The following ZNF366 variants were observed in gnomAD, a reference collection of about 807,000 sequenced individuals.
ZNF366 encodes dendritic cell-specific transcript protein.
In ZNF366, 20 loss-of-function variants were observed where a neutral mutation model predicts 47.2. That is an observed-to-expected ratio of 0.42 (90% CI 0.30 to 0.62). The LOEUF is 0.62. Among genes scored for constraint, ZNF366 ranks in the 20% least tolerant of loss-of-function variants. ZNF366 has a pLI of 0.16. For missense variants in ZNF366, 987 were observed against 976.3 expected (o/e 1.01, Z -0.15); for synonymous variants, 421 against 395.1 (o/e 1.07, Z -0.78).
intron 3 of ZNF366, among the ~76,000 whole-genome samples, chr5:72,449,112 T>C (rs577987961): frequency 6.6e-6 from 1 of 152,342 alleles, no homozygotes; most frequent in East Asian, 1.9e-4. Flanking sequence ...GTAAGATAGA[T>C]GACTCTTTTA....
Position 72,460,949 on chromosome 5 carries a change from C to A in ZNF366, c.548G>T (p.Gly183Val), listed in dbSNP as rs745545119. Residue 183 changes from glycine (G) to valine (V), a missense_variant, in exon 2 of 5, where the codon GGC (glycine) becomes GTC (valine). By Grantham distance (109) the Gly-to-Val change is moderately radical. Coordinates refer to ENST00000318442, the MANE Select transcript of ZNF366 (RefSeq NM_152625.3). The part of the protein sequence containing the change: ...PYPYYPKVHP[G>V]LMFPFFVPSS... ...GGGCACGAAGAAGGGGAACATGAGG[C>A]CCGGGTGGACTTTGGGGTAGTAGGG... The A allele has an allele frequency of 1.3e-5, 21 of 1,612,046 alleles. No individual in the cohort carries two copies. The highest frequency in any genetic ancestry group is 3.3e-5 in the Admixed American group (2 of 59,944).
At chr5:72,499,204 T>G (rs1218942035) in intron 1 of ZNF366, among the ~76,000 whole-genome samples, 1 of 152,192 alleles carries the variant, frequency 6.6e-6, no homozygotes, top group Non-Finnish European at 1.5e-5. Flanking sequence ...CCCTGGAGAC[T>G]TCTCCCCAGC....
At chr5:72,493,250 A>G (rs1334054352) in intron 1 of ZNF366, among the ~76,000 whole-genome samples, 1 of 152,198 alleles carries the variant, frequency 6.6e-6, no homozygotes, top group Non-Finnish European at 1.5e-5. Context: ...AGTATTTCCT[A>G]TGTGACAAGA....
intron 1 of ZNF366, among the ~76,000 whole-genome samples, chr5:72,468,040 G>A (rs1743470828): frequency 6.6e-6 from 1 of 152,198 alleles, no homozygotes; most frequent in Admixed American, 6.5e-5. Context: ...GGATTTTTAA[G>A]TCTTAAAATG....
chr5:72,461,611 G>C (rs1743315271), intron 1 of ZNF366, 101 bp from the exon 2 acceptor site: 38 of 1,420,604 alleles, frequency 2.7e-5, no homozygotes, highest in Non-Finnish European at 3.5e-5. Flanking sequence ...TTTATGAAGA[G>C]TAGTACTTGC....
chr5:72,466,785 G>C (rs559352628), intron 1 of ZNF366, among the ~76,000 whole-genome samples: 1 of 152,186 alleles, frequency 6.6e-6, no homozygotes, highest in Admixed American at 6.5e-5. Flanking sequence ...TAAGTTATTA[G>C]GTAGTTATGA....
At chr5:72,477,000 T>C (rs1433488182) in intron 1 of ZNF366, among the ~76,000 whole-genome samples, 1 of 152,124 alleles carries the variant, frequency 6.6e-6, no homozygotes, top group Non-Finnish European at 1.5e-5. Context: ...GGATACAATT[T>C]CTTTACATTG....
intron 2 of ZNF366, among the ~76,000 whole-genome samples, chr5:72,457,470 T>C (rs928942938): frequency 3.9e-5 from 6 of 152,228 alleles, no homozygotes; most frequent in East Asian, 1.9e-4. Flanking sequence ...AAGGTTATCA[T>C]AGGATTAGAA....
chr5:72,476,562 T>C (rs1285504517), intron 1 of ZNF366, among the ~76,000 whole-genome samples: 2 of 152,068 alleles, frequency 1.3e-5, no homozygotes, highest in Non-Finnish European at 2.9e-5. Flanking sequence ...AGGATACTAA[T>C]GGTGGGGTGT....
intron 1 of ZNF366, among the ~76,000 whole-genome samples, chr5:72,482,065 C>G (rs1277259665): frequency 6.6e-6 from 1 of 152,130 alleles, no homozygotes; most frequent in Non-Finnish European, 1.5e-5. Flanking sequence ...CCGTGTAAAG[C>G]TTTGTATCAT....
chr5:72,460,881 T>G lies in ZNF366; in HGVS notation c.616A>C (p.Lys206Gln), dbSNP rs1394644075. Residue 206 changes from lysine (K) to glutamine (Q), a missense_variant, in exon 2 of 5, where the codon AAG becomes CAG. By Grantham distance (53) the Lys-to-Gln change is moderately conservative. This residue lies in a region of ZNF366 where 591 missense variants were observed against 560.9 expected (regional missense o/e 1.05). Coordinates refer to ENST00000318442, the MANE Select transcript of ZNF366 (RefSeq NM_152625.3). ...FPFSRHTFLP[K>Q]QPPEPLLPRK... ...GGCAGCAGAGGTTCCGGGGGCTGCT[T>G]GGGCAGGAAGGTGTGCCGGCTGAAG... 1.2e-6 allele frequency: 2 copies of G among 1,613,478 alleles called. No homozygotes were observed. The highest frequency in any genetic ancestry group is 1.7e-6 in the Non-Finnish European group (2 of 1,179,742).
intron 1 of ZNF366, among the ~76,000 whole-genome samples, chr5:72,466,499 G>A (rs556374926): frequency 2.0e-5 from 3 of 152,314 alleles, no homozygotes; most frequent in Admixed American, 6.5e-5. Flanking sequence ...CACTAGAATA[G>A]TGCTGGGTCA....
chr5:72,457,651 GC>G (rs1743217479), intron 2 of ZNF366, among the ~76,000 whole-genome samples: 1 of 152,114 alleles, frequency 6.6e-6, no homozygotes, highest in Non-Finnish European at 1.5e-5. Context: ...GTTCTGGTGG[GC>G]CCATGGTACT....
At chr5:72,462,966 C>A (rs1743357906) in intron 1 of ZNF366, among the ~76,000 whole-genome samples, 1 of 152,240 alleles carries the variant, frequency 6.6e-6, no homozygotes, top group South Asian at 2.1e-4. Flanking sequence ...TGGGATCAAT[C>A]CCTTTTGCTC....
intron 1 of ZNF366, among the ~76,000 whole-genome samples, chr5:72,500,021 T>G (rs1047607546): frequency 1.3e-5 from 2 of 152,138 alleles, no homozygotes; most frequent in Admixed American, 1.3e-4. Context: ...GAGTCCCCAG[T>G]GCAAAGGAAA....
Position 72,443,588 on chromosome 5 carries a change from G to T in ZNF366, c.*168C>A. 1 of 727,484 alleles carries T rather than the reference G, an allele frequency of 1.4e-6. No homozygotes were observed. Among genetic ancestry groups the T allele is most frequent in the Non-Finnish European group, 2.2e-6 (1 of 455,512 alleles). 45.1% of individuals were successfully genotyped at this position (727,484 alleles called of 1,614,324 possible). On this transcript the variant is annotated 3_prime_UTR_variant, in exon 5 of 5. Transcript: ENST00000318442. ...GTGTGAAGGGTATCAAGGGCCCCGT[G>T]AATGACCTGAGAAGGCTTTCCATTA...
chr5:72,460,781 T>C lies in ZNF366; in HGVS notation c.716A>G (p.Asp239Gly). The change falls in exon 2 of 5, where the codon GAT (aspartate) becomes GGT (glycine). Residue 239 changes from aspartate to glycine, a missense_variant. Asp to Gly is a moderately conservative substitution (Grantham distance 94). Around this residue, in one of 3 missense-constraint regions of ZNF366, gnomAD observed 591 missense variants for 560.9 expected, o/e 1.05. Transcript: ENST00000318442. ...VERVDVNVQIDDSYYVDVGGS... is the reference protein window; with the variant it reads ...VERVDVNVQIGDSYYVDVGGS... ...GCCCACGTCCACGTAGTAGCTGTCA[T>C]CGATCTGCACGTTCACGTCCACCCT... is the stretch of plus-strand genomic sequence containing the variant. The C allele has an allele frequency of 6.2e-7, 1 of 1,614,192 alleles. No homozygotes were observed. The highest frequency in any genetic ancestry group is 8.5e-7 in the Non-Finnish European group (1 of 1,180,042).
rs2112324016 is a variant in ZNF366, at chr5:72,456,440, C to A, written c.1488G>T (p.Met496Ile). 1 of 1,612,676 alleles carries A rather than the reference C, an allele frequency of 6.2e-7. No individual in the cohort carries two copies. Among genetic ancestry groups the A allele is most frequent in the Non-Finnish European group, 8.5e-7 (1 of 1,178,884 alleles). ...FVQKQTLKAH[M>I]IVHSDVKPFK... ...AAGGCTTCACGTCAGAGTGGACGATCATGTGTGCCTTGAGGGTCTGCTTCT... is the reference window on the plus strand; with the variant it reads ...AAGGCTTCACGTCAGAGTGGACGATAATGTGTGCCTTGAGGGTCTGCTTCT... Residue 496 changes from methionine (M) to isoleucine (I), a missense_variant, in exon 3 of 5, where the codon ATG (methionine) becomes ATT (isoleucine). Coordinates refer to ENST00000318442, the MANE Select transcript of ZNF366 (RefSeq NM_152625.3).
At chr5:72,502,933 G>A (rs1744239511) in intron 1 of ZNF366, among the ~76,000 whole-genome samples, 1 of 152,164 alleles carries the variant, frequency 6.6e-6, no homozygotes, top group South Asian at 2.1e-4. Context: ...AGACCAGTGT[G>A]ACCAACATGG....
Sources: gnomAD v4.1 joint callset for allele counts (sites outside exome capture counted in the v4.1 genomes callset) on GRCh38, gnomAD v4.1.1 for gene constraint, gnomAD v4.1.1 regional missense constraint, MANE v1.5 for transcripts, NCBI Gene and HGNC (gene_info 2026-07-23, HGNC 2026-07-21) for gene names.